The following TIAM1 variants were observed in gnomAD, a reference collection of about 807,000 sequenced individuals.
TIAM1 encodes the protein TIAM Rac1 associated GEF 1.
A neutral mutation model predicts 163.5 loss-of-function variants in TIAM1; 65 were observed. The observed-to-expected ratio is 0.40, with a 90% CI of 0.33 to 0.49. The LOEUF (loss-of-function observed/expected upper bound fraction) is 0.49, where lower values mean the gene tolerates loss of function less well. Ranked by LOEUF, TIAM1 falls within the 20% of genes least tolerant of loss-of-function variation. The pLI is 0.77. For missense variants in TIAM1, 1,789 were observed against 2,044.7 expected (o/e 0.87, Z 2.41); for synonymous variants, 833 against 810.1 (o/e 1.03, Z -0.48).
chr21:31,252,229 C>G (rs756303734), intron 4 of TIAM1, 40 bp from the exon 5 acceptor site: 88 of 1,574,456 alleles, frequency 5.6e-5, no homozygotes, highest in Non-Finnish European at 7.6e-5. Context: ...ACAAGCGTCA[C>G]GTGGAGAAGG....
chr21:31,185,454 T>C (rs2085247212), intron 14 of TIAM1, among the ~76,000 whole-genome samples: 1 of 145,104 alleles, frequency 6.9e-6, no homozygotes, highest in Admixed American at 7.1e-5. Flanking sequence ...TATTAACGAT[T>C]ATTATATAAT....
chr21:31,449,729 C>T (rs2044755765), intron 2 of TIAM1, among the ~76,000 whole-genome samples: 1 of 152,174 alleles, frequency 6.6e-6, no homozygotes, highest in Non-Finnish European at 1.5e-5. Flanking sequence ...CCCAGAAAAA[C>T]ACCAGCCACT....
At chr21:31,258,174 C>T (rs2072232745) in intron 4 of TIAM1, among the ~76,000 whole-genome samples, 1 of 152,112 alleles carries the variant, frequency 6.6e-6, no homozygotes, top group Non-Finnish European at 1.5e-5. Flanking sequence ...TTCACCCCAA[C>T]GAGCTCCACG....
chr21:31,171,057 A>AAG (rs2084490407), intron 15 of TIAM1, among the ~76,000 whole-genome samples: 4 of 150,972 alleles, frequency 2.6e-5, no homozygotes, highest in Admixed American at 2.6e-4. Context: ...AAAAAAAAAA[A>AAG]AAAAATTGGG....
intron 25 of TIAM1, among the ~76,000 whole-genome samples, chr21:31,128,995 A>C (rs1884276119): frequency 6.6e-6 from 1 of 152,248 alleles, no homozygotes; most frequent in South Asian, 2.1e-4. Flanking sequence ...GAAATTGGAT[A>C]GTAGGAACTT....
At chr21:31,153,850 C>G (rs1025437242) in intron 17 of TIAM1, among the ~76,000 whole-genome samples, 1 of 151,750 alleles carries the variant, frequency 6.6e-6, no homozygotes, top group African/African-American at 2.4e-5. Flanking sequence ...CGCTTGAGCC[C>G]ATGAGTTCGA....
chr21:31,304,973 G>A (rs2074643635), intron 2 of TIAM1, among the ~76,000 whole-genome samples: 1 of 152,168 alleles, frequency 6.6e-6, no homozygotes, highest in Non-Finnish European at 1.5e-5. Flanking sequence ...GATTATAGGC[G>A]TGAGCCCACC....
intron 2 of TIAM1, among the ~76,000 whole-genome samples, chr21:31,320,422 G>C (rs1198602675): frequency 6.6e-6 from 1 of 152,176 alleles, no homozygotes. Flanking sequence ...AATGGCTACA[G>C]TGGTAAATTT....
Position 31,427,344 on chromosome 21 carries a change from G to A in TIAM1, c.-369+36639C>T, listed in dbSNP as rs1467841772. Among the ~76,000 whole-genome samples, 10 of 152,098 alleles carry A rather than the reference G, an allele frequency of 6.6e-5. No homozygotes were observed. In the East Asian group the frequency reaches 9.7e-4, roughly 15 times the overall value. On this transcript the variant is annotated intron_variant, in intron 2 of 28. Transcript: ENST00000286827. ...TACTAAAATATGCAAAAAATTGGCCGGGCGTGGTGGTGGGCGCCTGTAGTC... is the reference window on the plus strand; with the variant it reads ...TACTAAAATATGCAAAAAATTGGCCAGGCGTGGTGGTGGGCGCCTGTAGTC...
At chr21:31,299,655 C>T (rs572741887) in intron 2 of TIAM1, among the ~76,000 whole-genome samples, 8 of 152,278 alleles carry the variant, frequency 5.3e-5, no homozygotes, top group African/African-American at 1.4e-4. Context: ...CAAGGCACGA[C>T]GTTACCCATT....
chr21:31,136,130 T>C (rs1423186957), intron 22 of TIAM1, 89 bp from the exon 23 acceptor site: 29 of 1,149,454 alleles, frequency 2.5e-5, no homozygotes, highest in Middle Eastern at 2.0e-4. Flanking sequence ...ATGCTGATAT[T>C]AATTTTACTT....
intron 15 of TIAM1, among the ~76,000 whole-genome samples, chr21:31,168,903 C>G (rs992418735): frequency 2.6e-5 from 4 of 152,196 alleles, no homozygotes; most frequent in African/African-American, 9.7e-5. Flanking sequence ...CAAGAGGCAA[C>G]AGACACAATA....
rs142771097 is a variant in TIAM1, at chr21:31,266,567, C to T, written c.406G>A (p.Gly136Arg). 3.5e-5 allele frequency: 57 copies of T among 1,614,206 alleles called. No homozygotes were observed. The highest frequency in any genetic ancestry group is 3.5e-4 in the African/African-American group (26 of 75,042). Reference protein sequence around the residue: ...MPDTEESRLYGDDATYLAEGG... With the variant: ...MPDTEESRLYRDDATYLAEGG... ...TCAGCCAAATATGTAGCGTCATCCCCGTAAAGCCTGCTCTCCTCAGTGTCT... is the reference window on the plus strand; with the variant it reads ...TCAGCCAAATATGTAGCGTCATCCCTGTAAAGCCTGCTCTCCTCAGTGTCT... Residue 136 changes from glycine to arginine, a missense_variant, in exon 4 of 28, where the codon GGG becomes AGG. Gly to Arg is a moderately radical substitution (Grantham distance 125). Transcript: ENST00000541036.
chr21:31,214,351 GAAAGAA>G (rs1041179737), intron 9 of TIAM1, among the ~76,000 whole-genome samples: 65 of 151,258 alleles, frequency 4.3e-4, no homozygotes, highest in African/African-American at 1.5e-3. Context: ...TAAAAAACCA[GAAAGAA>G]AAAGAAAAAG....
intron 10 of TIAM1, among the ~76,000 whole-genome samples, chr21:31,210,639 A>AG (rs1569032034): frequency 7.6e-5 from 2 of 26,402 alleles, no homozygotes; most frequent in East Asian, 7.0e-4. Context: ...GAAAGAAAGA[A>AG]AGAAAGAAAG....
chr21:31,268,312 A>T (rs1458498709), intron 3 of TIAM1, among the ~76,000 whole-genome samples: 1 of 152,220 alleles, frequency 6.6e-6, no homozygotes, highest in African/African-American at 2.4e-5. Context: ...AGAAAGTAAA[A>T]GCATCGTGGT....
intron 1 of TIAM1, among the ~76,000 whole-genome samples, chr21:31,520,812 G>A (rs909823144): frequency 2.6e-5 from 4 of 152,306 alleles, no homozygotes; most frequent in East Asian, 3.9e-4. Flanking sequence ...GCCAGGAGGC[G>A]TGGGTCAGAA....
intron 2 of TIAM1, among the ~76,000 whole-genome samples, chr21:31,307,479 T>C (rs997119232): frequency 1.3e-5 from 2 of 152,196 alleles, no homozygotes; most frequent in Non-Finnish European, 2.9e-5. Flanking sequence ...TCAGGTCTTC[T>C]GCTTTCAAAG....
At chr21:31,288,364 G>A (rs1355446557) in intron 2 of TIAM1, among the ~76,000 whole-genome samples, 1 of 152,114 alleles carries the variant, frequency 6.6e-6, no homozygotes, top group Non-Finnish European at 1.5e-5. Flanking sequence ...AGTTCTAGGG[G>A]CTGGGAAGTC....
Sources: gnomAD v4.1 joint callset for allele counts (sites outside exome capture counted in the v4.1 genomes callset) on GRCh38, gnomAD v4.1.1 for gene constraint, MANE v1.5 for transcripts, NCBI Gene and HGNC (gene_info 2026-07-23, HGNC 2026-07-21) for gene names.